RASAL2: variants seen among roughly 807,000 people sequenced by gnomAD.
RASAL2 encodes ras GTPase-activating protein nGAP.
A neutral mutation model predicts 128.9 loss-of-function variants in RASAL2; 58 were observed. The observed-to-expected ratio is 0.45, with a 90% CI of 0.36 to 0.56. The LOEUF (loss-of-function observed/expected upper bound fraction) is 0.56. Among genes scored for constraint, RASAL2 ranks in the 20% least tolerant of loss-of-function variants. RASAL2 has a pLI of 0.00. For synonymous variants in RASAL2, 561 were observed against 580.8 expected (o/e 0.97, Z 0.49); for missense variants, 1,360 against 1,601.6 (o/e 0.85, Z 2.57).
chr1:178,211,258 C>T (rs748280839), intron 1 of RASAL2, among the ~76,000 whole-genome samples: 1 of 152,086 alleles, frequency 6.6e-6, no homozygotes, highest in Non-Finnish European at 1.5e-5. Flanking sequence ...GATCTTGGAG[C>T]CAGCTCTGAC....
intron 3 of RASAL2, among the ~76,000 whole-genome samples, chr1:178,353,985 A>G (rs1571912954): frequency 6.6e-6 from 1 of 152,106 alleles, no homozygotes; most frequent in African/African-American, 2.4e-5. Context: ...AAAAAAGAAG[A>G]AGGAAGATAC....
At chr1:178,425,165 A>G (rs1675439756) in intron 5 of RASAL2, among the ~76,000 whole-genome samples, 1 of 152,206 alleles carries the variant, frequency 6.6e-6, no homozygotes, top group Non-Finnish European at 1.5e-5. Context: ...TTGAACATAG[A>G]AATAGACACG....
At chr1:178,174,949 CA>C (rs1661833626) in intron 1 of RASAL2, among the ~76,000 whole-genome samples, 1 of 152,034 alleles carries the variant, frequency 6.6e-6, no homozygotes, top group Non-Finnish European at 1.5e-5. Flanking sequence ...ACCTAGGTTG[CA>C]AGAAGCTTTT....
rs145842651 is a variant in RASAL2, at chr1:178,464,349, G to C, written c.3324G>C (p.Gly1108=). ...ERTAAWVLNN[G]QYEEDVEETE... is the part of the protein sequence containing the mutation. ...CAGCAGCCTGGGTTCTGAACAATGG[G>C]CAGTATGAAGAGGATGTGGAAGAAA... The change falls in exon 15 of 18, where the codon GGG becomes GGC. Residue 1108 remains glycine, a synonymous_variant. Transcript: ENST00000367649. 1.2e-6 allele frequency: 2 copies of C among 1,613,832 alleles called. No homozygotes were observed. Among genetic ancestry groups the C allele is most frequent in the Non-Finnish European group, 1.7e-6 (2 of 1,179,834 alleles).
chr1:178,476,559 T>C lies in RASAL2; in HGVS notation c.*3320T>C, dbSNP rs1224113850. On this transcript the variant is annotated 3_prime_UTR_variant, in exon 18 of 18. Transcript: ENST00000367649. ...AATCATGCTGCTATAGCTTTTTGCT[T>C]TTTTTCATATAGTATCAAGTTGGTC... 1 of 152,222 alleles carries C rather than the reference T, an allele frequency of 6.6e-6. No homozygotes were observed. Among genetic ancestry groups the C allele is most frequent in the African/African-American group, 2.4e-5 (1 of 41,462 alleles). The allele number at this position is 152,222 out of a possible 1,614,324, so 9.4% of individuals were successfully genotyped here. A position where few individuals can be genotyped will look rare whatever the true frequency, so the allele number is the denominator to read the frequency against.
At chr1:178,458,635 TAAC>T (rs1432719012) in intron 14 of RASAL2, 91 bp downstream of exon 14, 3 of 1,465,720 alleles carry the variant, frequency 2.0e-6, no homozygotes, top group Non-Finnish European at 2.7e-6. Flanking sequence ...ATCCTATTGT[TAAC>T]AAGATTTCCT....
chr1:178,453,035 G>A (rs1303433122), intron 11 of RASAL2, among the ~76,000 whole-genome samples: 3 of 152,098 alleles, frequency 2.0e-5, no homozygotes, highest in Non-Finnish European at 2.9e-5. Flanking sequence ...TATAAAAAAA[G>A]TTGGGAAGAA....
At chr1:178,247,864 T>C (rs926423665) in intron 1 of RASAL2, among the ~76,000 whole-genome samples, 1 of 152,232 alleles carries the variant, frequency 6.6e-6, no homozygotes, top group Non-Finnish European at 1.5e-5. Flanking sequence ...TCAGTTTCCA[T>C]GTAGTTGTGT....
intron 9 of RASAL2, among the ~76,000 whole-genome samples, chr1:178,449,515 C>A (rs1299520916): frequency 6.6e-6 from 1 of 151,880 alleles, no homozygotes; most frequent in East Asian, 1.9e-4. Context: ...ATTCTGGGCA[C>A]AAACTTAACA....
intron 4 of RASAL2, among the ~76,000 whole-genome samples, chr1:178,393,493 A>C (rs1482380342): frequency 6.6e-6 from 1 of 152,222 alleles, no homozygotes; most frequent in Non-Finnish European, 1.5e-5. Flanking sequence ...GGCAGAGCTC[A>C]GGCTGCAAGT....
intron 1 of RASAL2, among the ~76,000 whole-genome samples, chr1:178,162,289 T>TTATA (rs554582730): frequency 0.11 from 13,363 of 122,132 alleles, 752 homozygotes; most frequent in Middle Eastern, 0.18. Flanking sequence ...TAAGATTTCT[T>TTATA]TATATATATA....
In RASAL2 at chr1:178,176,930, G is replaced by A. The variant is rs567997383; in HGVS notation, c.202+82236G>A. Among the ~76,000 whole-genome samples, 12 of 152,068 alleles carry A rather than the reference G, an allele frequency of 7.9e-5. No homozygotes were observed. The South Asian group carries it at 2.1e-3, about 26-fold the overall frequency. The stretch of plus-strand genomic sequence containing the variant: ...CTCCCAAAGAGCTGGGATTACAGGC[G>A]TGAGCACCATGCCTGGCTATCAGGT... On this transcript the variant is annotated intron_variant, in intron 1 of 17. Coordinates refer to ENST00000367649, the MANE Select transcript of RASAL2 (RefSeq NM_170692.4).
intron 1 of RASAL2, among the ~76,000 whole-genome samples, chr1:178,253,011 G>A (rs1665126698): frequency 6.6e-6 from 1 of 152,146 alleles, no homozygotes; most frequent in African/African-American, 2.4e-5. Context: ...GTAGCTTAAA[G>A]CAATAGAAAT....
intron 5 of RASAL2, 69 bp from the exon 6 acceptor site, chr1:178,439,353 C>T: frequency 2.2e-6 from 3 of 1,347,042 alleles, no homozygotes; most frequent in South Asian, 1.5e-5. Flanking sequence ...TGTTATCCTC[C>T]ATTGCATTAG....
At chr1:178,241,113 A>T (rs923556896) in intron 1 of RASAL2, among the ~76,000 whole-genome samples, 3 of 152,046 alleles carry the variant, frequency 2.0e-5, no homozygotes, top group Non-Finnish European at 4.4e-5. Flanking sequence ...GAATTTATGA[A>T]TACACTTGAA....
intron 1 of RASAL2, among the ~76,000 whole-genome samples, chr1:178,269,114 AT>A (rs1666121722): frequency 6.6e-6 from 1 of 152,192 alleles, no homozygotes; most frequent in Non-Finnish European, 1.5e-5. Context: ...TGGGACCTTA[AT>A]TTAATAGGGC....
chr1:178,443,245 G>T lies in RASAL2; in HGVS notation c.1482+16G>T, dbSNP rs561729519. On this transcript the variant is annotated intron_variant, in intron 8 of 17. Coordinates refer to ENST00000367649, the MANE Select transcript of RASAL2 (RefSeq NM_170692.4). The stretch of plus-strand genomic sequence containing the variant: ...CAGAGCCAAGGTAAGTGGAAAAGGG[G>T]GATTGCAGTACCTGAAGTCTCTTCC... 6.4e-7 allele frequency: 1 copy of T among 1,571,412 alleles called. No individual in the cohort carries two copies. Among genetic ancestry groups the T allele is most frequent in the South Asian group, 1.1e-5 (1 of 87,734 alleles).
chr1:178,306,537 C>G (rs574448162), intron 3 of RASAL2, among the ~76,000 whole-genome samples: 216 of 152,138 alleles, frequency 1.4e-3, no homozygotes, highest in African/African-American at 4.4e-3. Context: ...GTTCCTATTT[C>G]TCCACATCCT....
intron 1 of RASAL2, among the ~76,000 whole-genome samples, chr1:178,253,500 G>A (rs1472791937): frequency 2.0e-5 from 3 of 152,134 alleles, no homozygotes; most frequent in Non-Finnish European, 4.4e-5. Flanking sequence ...ACTCGTGTCA[G>A]TGTGAAGAGA....
Sources: allele counts gnomAD v4.1 joint callset (sites outside exome capture counted in the v4.1 genomes callset), GRCh38; gene constraint gnomAD v4.1.1; transcripts MANE v1.5; gene names NCBI Gene and HGNC (gene_info 2026-07-23, HGNC 2026-07-21).